Variants in NBPF20 observed in about 807,000 individuals in gnomAD.
NBPF20 encodes the protein NBPF family member NBPF20.
NBPF20 carries 90 observed loss-of-function variants against 68.1 expected under a neutral mutation model. The ratio of observed to expected loss-of-function variants is 1.32; its 90% CI spans 1.11 to 1.58. The LOEUF is 1.58. Among genes scored for constraint, NBPF20 ranks in the 40% most tolerant of loss-of-function variants. The pLI is 0.00. For synonymous variants in NBPF20, 290 were observed against 228.1 expected, an observed-to-expected ratio of 1.27 and a Z score of -2.45; for missense variants, 816 against 601.2, an observed-to-expected ratio of 1.36 and a Z score of -3.74.
chr1:145,298,333 C>T lies in NBPF20; in HGVS notation c.15684-199G>A, dbSNP rs1318326952. Among the ~76,000 whole-genome samples the T allele has an allele frequency of 2.6e-3, 359 of 135,664 alleles. 1 individual carries two copies. Among genetic ancestry groups the T allele is most frequent in the Admixed American group, 8.0e-3 (114 of 14,238 alleles). 89.0% of individuals were successfully genotyped at this position (135,664 alleles called of 152,430 possible). The stretch of plus-strand genomic sequence containing the variant: ...AGAATGAAAGAGAAAGACAGATAGA[C>T]ACACACACACACACACACACACAGA... On this transcript the variant is annotated intron_variant, in intron 129 of 137. Transcript: ENST00000369373.
the NBPF20 span, among the ~76,000 whole-genome samples, chr1:145,411,021 T>C: frequency 1.4e-5 from 2 of 147,378 alleles, no homozygotes; most frequent in African/African-American, 5.0e-5. Flanking sequence ...CCATTTTTTT[T>C]TCAACAAAAC....
At chr1:145,423,559 A>G in the NBPF20 span, among the ~76,000 whole-genome samples, 1 of 152,116 alleles carries the variant, frequency 6.6e-6, no homozygotes, top group African/African-American at 2.4e-5. Context: ...TAGAAAGGAC[A>G]CATATCCGGA....
the NBPF20 span, among the ~76,000 whole-genome samples, chr1:145,425,166 G>A: frequency 6.6e-6 from 1 of 152,172 alleles, no homozygotes; most frequent in Non-Finnish European, 1.5e-5. Context: ...GGCGGCAGCG[G>A]CAAGTGAGGA....
At chr1:145,423,984 T>C in the NBPF20 span, among the ~76,000 whole-genome samples, 1 of 149,700 alleles carries the variant, frequency 6.7e-6, no homozygotes, top group East Asian at 1.9e-4. Context: ...ACTTTTTTTT[T>C]TTTTTTTTGG....
At chr1:145,314,229 C>CACAG (rs1661515776) in intron 109 of NBPF20, among the ~76,000 whole-genome samples, 1 of 140,864 alleles carries the variant, frequency 7.1e-6, no homozygotes. Context: ...CACACACACA[C>CACAG]ACACACACAC....
At chr1:145,425,225 C>T in the NBPF20 span, among the ~76,000 whole-genome samples, 35 of 151,828 alleles carry the variant, frequency 2.3e-4, no homozygotes, top group South Asian at 4.6e-3. Flanking sequence ...CACACGCCCC[C>T]CCCAACCCCC....
chr1:145,402,302 A>C, exon 4 of NBPF20: 14 of 1,610,522 alleles, frequency 8.7e-6, no homozygotes, highest in Middle Eastern at 4.4e-4. Flanking sequence ...AATGAGCGGG[A>C]GGCATCTCTC....
At chr1:145,314,270 A>G (rs1661518367) in intron 109 of NBPF20, among the ~76,000 whole-genome samples, 1 of 136,258 alleles carries the variant, frequency 7.3e-6, no homozygotes, top group Non-Finnish European at 1.6e-5. Context: ...ACACACACAG[A>G]GAGAGAACGA....
chr1:145,424,470 A>C, the NBPF20 span, among the ~76,000 whole-genome samples: 1 of 152,202 alleles, frequency 6.6e-6, no homozygotes, highest in Non-Finnish European at 1.5e-5. Flanking sequence ...TCAGAACAAA[A>C]ACTAAACACT....
Position 145,312,140 on chromosome 1 carries a change from G to A in NBPF20, c.13660+68C>T, listed in dbSNP as rs1353629725. On this transcript the variant is annotated intron_variant, in intron 112 of 137. Transcript: ENST00000369373. The stretch of plus-strand genomic sequence containing the variant: ...TCTCTCAGCTCAGTAAGGGCCACTT[G>A]CAGTAGGAATATGACCCTAACCAGA... The A allele has an allele frequency of 1.7e-4, 19 of 113,422 alleles. 1 individual carries two copies. Among genetic ancestry groups the A allele is most frequent in the Admixed American group, 9.3e-4 (6 of 6,452 alleles). 7.0% of individuals were successfully genotyped at this position (113,422 alleles called of 1,614,324 possible).
upstream of NBPF20, among the ~76,000 whole-genome samples, chr1:145,410,168 T>A (rs1553668646): frequency 6.6e-6 from 1 of 152,034 alleles, no homozygotes; most frequent in Non-Finnish European, 1.5e-5. Context: ...GTGCTTTATA[T>A]CCTCACCAAC....
At chr1:145,415,226 A>G in the NBPF20 span, among the ~76,000 whole-genome samples, 2 of 151,454 alleles carry the variant, frequency 1.3e-5, no homozygotes, top group Non-Finnish European at 2.9e-5. Flanking sequence ...TGCCTTAAAG[A>G]GCAGTATTGC....
chr1:145,419,480 G>C, the NBPF20 span, among the ~76,000 whole-genome samples: 2 of 152,064 alleles, frequency 1.3e-5, no homozygotes, highest in Non-Finnish European at 2.9e-5. Context: ...ATAAGTTCTG[G>C]TGCCCAAAAG....
chr1:145,393,445 A>G (rs1377537547), intron 9 of NBPF20, among the ~76,000 whole-genome samples, 199 bp from the exon 15 acceptor site: 2 of 132,284 alleles, frequency 1.5e-5, no homozygotes. Flanking sequence ...ACACACACTC[A>G]CACACACACA....
At chr1:145,396,770 A>G (rs1236093020) in intron 7 of NBPF20, among the ~76,000 whole-genome samples, 7 of 149,990 alleles carry the variant, frequency 4.7e-5, no homozygotes, top group Non-Finnish European at 1.0e-4. Context: ...ATATATATAT[A>G]TACAGATATA....
At position 145,291,759 on chromosome 1, in the gene NBPF20, C is replaced by T. The variant is rs200471641; in HGVS notation, c.16708G>A (p.Val5570Met). The T allele has an allele frequency of 2.4e-4, 391 of 1,611,792 alleles. 4 individuals are homozygous for T. The highest frequency in any genetic ancestry group is 2.3e-4 in the Middle Eastern group (1 of 4,430). The change falls in exon 138 of 138, where the codon GTG becomes ATG. Residue 5570 changes from valine (V) to methionine (M), a missense_variant. Val to Met is a conservative substitution (Grantham distance 21, BLOSUM62 1). Transcript: ENST00000369373. The stretch of plus-strand genomic sequence containing the variant: ...TCAGGCTCTTCCACTTCCATCAGCA[C>T]GCCGTTGAGCCTGGAAAAGGAGACA...
intron 61 of NBPF20, among the ~76,000 whole-genome samples, chr1:145,352,465 A>G (rs1661667701): frequency 6.3e-5 from 1 of 15,978 alleles, no homozygotes; most frequent in South Asian, 5.3e-3. Flanking sequence ...ACTGTGCTCA[A>G]TAATTTTCCA....
At chr1:145,403,767 T>C (rs1662636931) in intron 2 of NBPF20, among the ~76,000 whole-genome samples, 1 of 151,782 alleles carries the variant, frequency 6.6e-6, no homozygotes, top group Admixed American at 6.6e-5. Context: ...ATGTGAAAGA[T>C]TTTTAAAATC....
At chr1:145,394,953 A>C (rs1445614481) in intron 8 of NBPF20, 25 bp downstream of exon 13, 11 of 1,611,974 alleles carry the variant, frequency 6.8e-6, no homozygotes, top group Non-Finnish European at 8.5e-7. Context: ...CTGGAGCTTT[A>C]TCACCTTCAC....
Sources: allele counts gnomAD v4.1 joint callset (sites outside exome capture counted in the v4.1 genomes callset), GRCh38; gene constraint gnomAD v4.1.1; transcripts MANE v1.5; gene names NCBI Gene and HGNC (gene_info 2026-07-23, HGNC 2026-07-21).